Variants in ZNF804B observed in about 807,000 individuals in gnomAD.
ZNF804B encodes the protein zinc finger protein 804B.
A neutral mutation model predicts 101.4 loss-of-function variants in ZNF804B; 80 were observed. The observed-to-expected ratio is 0.79, with a 90% CI of 0.66 to 0.95. The LOEUF (loss-of-function observed/expected upper bound fraction) is 0.95. Ranked by LOEUF, ZNF804B falls within the 40% of genes least tolerant of loss-of-function variation. ZNF804B has a pLI of 0.00. For missense variants in ZNF804B, 1,673 were observed against 1,561.9 expected (o/e 1.07, Z -1.20); for synonymous variants, 622 against 558.8 (o/e 1.11, Z -1.59).
At chr7:89,155,967 T>C (rs1790954304) in intron 1 of ZNF804B, among the ~76,000 whole-genome samples, 1 of 151,210 alleles carries the variant, frequency 6.6e-6, no homozygotes, top group African/African-American at 2.4e-5. Context: ...CTCCTCTGTC[T>C]CTCTCTCTTT....
At chr7:88,943,752 A>G (rs1422587998) in intron 1 of ZNF804B, among the ~76,000 whole-genome samples, 2 of 151,744 alleles carry the variant, frequency 1.3e-5, no homozygotes, top group African/African-American at 4.8e-5. Context: ...CTCCTCCCCA[A>G]AGTTAGCCCC....
chr7:88,944,970 T>C (rs1401516436), intron 1 of ZNF804B, among the ~76,000 whole-genome samples: 2 of 152,030 alleles, frequency 1.3e-5, no homozygotes, highest in African/African-American at 4.8e-5. Context: ...TTTAAGTTCC[T>C]TGTGGGTTCT....
chr7:89,010,098 G>C (rs1788432541), intron 1 of ZNF804B, among the ~76,000 whole-genome samples: 1 of 151,904 alleles, frequency 6.6e-6, no homozygotes, highest in African/African-American at 2.4e-5. Context: ...TAAACAAAAG[G>C]ACTGTTTCTC....
chr7:88,776,093 G>C (rs1199156595), intron 1 of ZNF804B, among the ~76,000 whole-genome samples: 2 of 152,160 alleles, frequency 1.3e-5, no homozygotes, highest in African/African-American at 2.4e-5. Context: ...TTGTTCACTT[G>C]TGGTGTTACT....
chr7:88,926,384 C>T (rs1245880533), intron 1 of ZNF804B, among the ~76,000 whole-genome samples: 1 of 145,162 alleles, frequency 6.9e-6, no homozygotes, highest in Non-Finnish European at 1.5e-5. Context: ...GTCAGGAGTT[C>T]AAGAGCAGCC....
chr7:89,100,733 C>T (rs1350854649), intron 1 of ZNF804B, among the ~76,000 whole-genome samples: 1 of 152,008 alleles, frequency 6.6e-6, no homozygotes, highest in Non-Finnish European at 1.5e-5. Context: ...TATTGTCACC[C>T]ATAAAGAGAT....
intron 1 of ZNF804B, among the ~76,000 whole-genome samples, chr7:89,141,384 T>A (rs1268505227): frequency 6.6e-6 from 1 of 152,078 alleles, no homozygotes; most frequent in Non-Finnish European, 1.5e-5. Context: ...CTGTGAAGTA[T>A]AATAAAGTGA....
chr7:88,920,040 TA>T lies in ZNF804B; in HGVS notation c.108+159957del, dbSNP rs913810991. ...GAACTTTGGCTAAATACAATTCAGG[TA>T]CAGTAAAGTATAACATTACTTCTCA... On this transcript the variant is annotated intron_variant, in intron 1 of 3. Coordinates refer to ENST00000333190, the MANE Select transcript of ZNF804B (RefSeq NM_181646.5). Among the ~76,000 whole-genome samples, 67 of 152,184 alleles carry T rather than the reference TA, an allele frequency of 4.4e-4. 1 individual carries two copies. Among genetic ancestry groups the T allele is most frequent in the African/African-American group, 1.4e-3 (59 of 41,558 alleles).
intron 1 of ZNF804B, among the ~76,000 whole-genome samples, chr7:89,138,759 A>G (rs753926024): frequency 3.9e-5 from 6 of 152,046 alleles, no homozygotes; most frequent in Non-Finnish European, 7.4e-5. Flanking sequence ...ATAGTGAATA[A>G]GTCTCATGAG....
intron 1 of ZNF804B, among the ~76,000 whole-genome samples, chr7:89,152,644 T>C (rs1790896942): frequency 6.6e-6 from 1 of 152,158 alleles, no homozygotes; most frequent in Non-Finnish European, 1.5e-5. Flanking sequence ...GTCATAATCA[T>C]ACATGGTTTT....
intron 1 of ZNF804B, among the ~76,000 whole-genome samples, chr7:89,151,947 A>G (rs1790883915): frequency 6.6e-6 from 1 of 152,030 alleles, no homozygotes; most frequent in Non-Finnish European, 1.5e-5. Context: ...TGGGTGTGGA[A>G]TATTATTGAA....
At chr7:88,863,577 C>A (rs1344352257) in intron 1 of ZNF804B, among the ~76,000 whole-genome samples, 6 of 152,026 alleles carry the variant, frequency 3.9e-5, no homozygotes, top group Non-Finnish European at 5.9e-5. Flanking sequence ...ATGAATAATA[C>A]TTTAAAAACT....
intron 1 of ZNF804B, among the ~76,000 whole-genome samples, chr7:88,765,942 C>G (rs1789976603): frequency 6.6e-6 from 1 of 152,042 alleles, no homozygotes; most frequent in Non-Finnish European, 1.5e-5. Context: ...TACTTTCTAC[C>G]TTAGACAGCA....
intron 1 of ZNF804B, among the ~76,000 whole-genome samples, chr7:89,035,443 C>A (rs1788910884): frequency 1.3e-5 from 2 of 151,830 alleles, no homozygotes. Context: ...TTAAAAAAAT[C>A]AGCTACGTTG....
intron 1 of ZNF804B, among the ~76,000 whole-genome samples, chr7:89,150,520 C>T (rs1288013017): frequency 1.3e-5 from 2 of 151,930 alleles, no homozygotes; most frequent in Admixed American, 6.6e-5. Flanking sequence ...AAATTTCTGC[C>T]CTTAGGTAGA....
intron 2 of ZNF804B, among the ~76,000 whole-genome samples, chr7:89,220,139 G>GAGCACACATATATA (rs1464131817): frequency 1.6e-5 from 1 of 64,142 alleles, no homozygotes; most frequent in African/African-American, 5.5e-5. Context: ...ACACATATAT[G>GAGCACACATATATA]TGTGTATATA....
chr7:89,203,826 T>C (rs1788679824), intron 1 of ZNF804B, among the ~76,000 whole-genome samples: 1 of 152,202 alleles, frequency 6.6e-6, no homozygotes, highest in Non-Finnish European at 1.5e-5. Context: ...AGCAAAGCCA[T>C]TGGCTTTATA....
intron 1 of ZNF804B, among the ~76,000 whole-genome samples, chr7:89,147,664 A>G (rs1397884038): frequency 6.6e-6 from 1 of 151,928 alleles, no homozygotes; most frequent in Non-Finnish European, 1.5e-5. Flanking sequence ...CTTTATTTAC[A>G]GCTACTCTGC....
chr7:89,005,845 G>T (rs1788363270), intron 1 of ZNF804B, among the ~76,000 whole-genome samples: 1 of 152,016 alleles, frequency 6.6e-6, no homozygotes, highest in South Asian at 2.1e-4. Flanking sequence ...AGCTCTAAGT[G>T]ATTTTTCTCC....
Sources: gnomAD v4.1 joint callset for allele counts (sites outside exome capture counted in the v4.1 genomes callset) on GRCh38, gnomAD v4.1.1 for gene constraint, MANE v1.5 for transcripts, NCBI Gene and HGNC (gene_info 2026-07-23, HGNC 2026-07-21) for gene names.